Variants in PDCD6IP observed in about 807,000 individuals in gnomAD.
PDCD6IP encodes programmed cell death 6-interacting protein.
A neutral mutation model predicts 103.7 loss-of-function variants in PDCD6IP; 43 were observed. The observed-to-expected ratio is 0.41, with a 90% CI of 0.32 to 0.53. The LOEUF is 0.53. PDCD6IP is among the 20% of genes least tolerant of loss of function. The pLI is 0.16. For missense variants in PDCD6IP, 871 were observed against 1,036.7 expected (o/e 0.84, Z 2.20); for synonymous variants, 354 against 378.7 (o/e 0.93, Z 0.76).
At chr3:33,813,457 T>G (rs1696762248) in intron 2 of PDCD6IP, 102 bp from the exon 3 acceptor site, 2 of 719,016 alleles carry the variant, frequency 2.8e-6, no homozygotes, top group African/African-American at 1.8e-5. Context: ...ATTTTGAGCT[T>G]TTGTCCTTTT....
At chr3:33,805,870 A>G (rs141405029) in intron 1 of PDCD6IP, among the ~76,000 whole-genome samples, 200 of 152,052 alleles carry the variant, frequency 1.3e-3, no homozygotes, top group African/African-American at 4.6e-3. Context: ...TCAGCCTACC[A>G]TGTAGCTGGG....
At chr3:33,814,855 T>C (rs1696809365) in intron 3 of PDCD6IP, among the ~76,000 whole-genome samples, 1 of 145,398 alleles carries the variant, frequency 6.9e-6, no homozygotes, top group African/African-American at 2.5e-5. Context: ...ATTATTCATA[T>C]ACATATATGT....
At chr3:33,837,460 G>A (rs1270031878) in intron 8 of PDCD6IP, among the ~76,000 whole-genome samples, 7 of 152,164 alleles carry the variant, frequency 4.6e-5, no homozygotes, top group Admixed American at 2.6e-4. Flanking sequence ...GCCCTGAGAT[G>A]GGTACTGTTA....
intron 1 of PDCD6IP, chr3:33,799,173 G>T (rs1696410497): frequency 3.5e-6 from 2 of 565,082 alleles, no homozygotes. Context: ...GGTCGGCGAG[G>T]GCTCCGTGGA....
intron 15 of PDCD6IP, among the ~76,000 whole-genome samples, chr3:33,858,038 C>T (rs1697866637): frequency 6.6e-6 from 1 of 151,970 alleles, no homozygotes; most frequent in Non-Finnish European, 1.5e-5. Context: ...TACTTGAAAA[C>T]CCAAGAGAAC....
intron 7 of PDCD6IP, chr3:33,835,334 C>G: frequency 2.2e-6 from 1 of 456,652 alleles, no homozygotes; most frequent in Non-Finnish European, 4.4e-6. Flanking sequence ...TCTCAATTCT[C>G]TGTGTTGTGT....
rs1319798946 is a variant in PDCD6IP, at chr3:33,851,799, C to CT, written c.1642-686dup. Among the ~76,000 whole-genome samples, 5 of 152,256 alleles carry CT rather than the reference C, an allele frequency of 3.3e-5. No homozygotes were observed. The East Asian group carries it at 9.6e-4, about 29-fold the overall frequency. ...GTATGAAGAGAGGCACAAGAACCCT[C>CT]TTTCCTTTTCCTCTCCCAGTATATA... On this transcript the variant is annotated intron_variant, in intron 12 of 17. Transcript: ENST00000307296.
chr3:33,842,660 C>T (rs1052769206), intron 10 of PDCD6IP, among the ~76,000 whole-genome samples: 6 of 151,978 alleles, frequency 3.9e-5, no homozygotes, highest in Admixed American at 3.9e-4. Context: ...TTCAGATTTA[C>T]AGAGTCTTTG....
intron 12 of PDCD6IP, among the ~76,000 whole-genome samples, chr3:33,852,120 C>T (rs1427155078): frequency 4.6e-5 from 7 of 152,158 alleles, no homozygotes; most frequent in African/African-American, 1.7e-4. Context: ...ATAACCATGT[C>T]ACTTAATTTT....
Position 33,868,770 on chromosome 3 carries a change from A to G in PDCD6IP, c.*2245A>G, listed in dbSNP as rs549155217. Reference sequence around the variant, plus strand: ...ATCAAGGAAAGGAAATCATCCCCAGACCATTTATGCTGAGCTTTGGAATAC... The same window carrying G: ...ATCAAGGAAAGGAAATCATCCCCAGGCCATTTATGCTGAGCTTTGGAATAC... On this transcript the variant is annotated 3_prime_UTR_variant, in exon 18 of 18. Coordinates refer to ENST00000307296, the MANE Select transcript of PDCD6IP (RefSeq NM_013374.6). 2.0e-5 allele frequency: 3 copies of G among 152,302 alleles called. No individual in the cohort carries two copies. Among genetic ancestry groups the G allele is most frequent in the African/African-American group, 7.2e-5 (3 of 41,570 alleles). The allele number at this position is 152,302 out of a possible 1,614,324, so 9.4% of individuals were successfully genotyped here.
At chr3:33,827,988 A>G (rs1166127257) in intron 6 of PDCD6IP, 6 of 152,070 alleles carry the variant, frequency 3.9e-5, no homozygotes, top group Non-Finnish European at 7.4e-5. Flanking sequence ...ATTCTCTTAC[A>G]TTTTTTGTTT....
rs750845508 is a variant in PDCD6IP, at chr3:33,853,898, C to T, written c.1910C>T (p.Ser637Leu). 3.3e-6 allele frequency: 5 copies of T among 1,534,350 alleles called. No individual in the cohort carries two copies. Among genetic ancestry groups the T allele is most frequent in the Non-Finnish European group, 2.6e-6 (3 of 1,147,496 alleles). Residue 637 changes from serine to leucine, a missense_variant, in exon 14 of 18, where the codon TCA (serine) becomes TTA (leucine). This residue lies in a region of PDCD6IP where 266 missense variants were observed against 390.5 expected (regional missense o/e 0.68). Transcript: ENST00000307296. The part of the protein sequence containing the change: ...KNIQVSHQEF[S>L]KMKQSNNEAN... ...AACAAGGTCTCACATCAGGAATTTTCAAAAATGAAACAATCTAATAATGAA... is the reference window on the plus strand; with the variant it reads ...AACAAGGTCTCACATCAGGAATTTTTAAAAATGAAACAATCTAATAATGAA...
intron 7 of PDCD6IP, 134 bp downstream of exon 7, chr3:33,829,103 T>C: frequency 1.9e-6 from 1 of 536,940 alleles, no homozygotes; most frequent in East Asian, 3.5e-5. Flanking sequence ...TGATTGTTTT[T>C]ATCTTTAGAC....
At chr3:33,838,178 G>T (rs1454793706) in intron 8 of PDCD6IP, 26 bp from the exon 9 acceptor site, 2 of 1,608,382 alleles carry the variant, frequency 1.2e-6, no homozygotes, top group African/African-American at 2.7e-5. Context: ...TAAAAATTTT[G>T]TTGTAATTTC....
At chr3:33,816,120 G>A (rs1696843796) in intron 3 of PDCD6IP, among the ~76,000 whole-genome samples, 1 of 152,192 alleles carries the variant, frequency 6.6e-6, no homozygotes, top group South Asian at 2.1e-4. Flanking sequence ...TGGGAAAAAT[G>A]TTAAAGGTTT....
intron 3 of PDCD6IP, among the ~76,000 whole-genome samples, chr3:33,816,934 A>G (rs1005671751): frequency 2.6e-5 from 4 of 152,190 alleles, no homozygotes; most frequent in African/African-American, 9.7e-5. Flanking sequence ...GGAAGCAAAA[A>G]ATTAGATCAT....
At chr3:33,848,152 T>C (rs1367160716) in intron 12 of PDCD6IP, among the ~76,000 whole-genome samples, 3 of 152,180 alleles carry the variant, frequency 2.0e-5, no homozygotes, top group African/African-American at 7.2e-5. Context: ...ATATTGACAA[T>C]GACTGGAATC....
intron 12 of PDCD6IP, among the ~76,000 whole-genome samples, chr3:33,845,821 T>A (rs1410109714): frequency 1.3e-5 from 2 of 152,234 alleles, no homozygotes; most frequent in Non-Finnish European, 2.9e-5. Context: ...AACTAAATTT[T>A]AGATACTTCA....
intron 15 of PDCD6IP, among the ~76,000 whole-genome samples, chr3:33,856,849 C>A (rs1697840286): frequency 6.6e-6 from 1 of 152,002 alleles, no homozygotes; most frequent in Admixed American, 6.5e-5. Flanking sequence ...GATTTTATAT[C>A]ATATAGTAAA....
Sources: allele counts gnomAD v4.1 joint callset (sites outside exome capture counted in the v4.1 genomes callset), GRCh38; gene constraint gnomAD v4.1.1; regional missense constraint gnomAD v4.1.1; transcripts MANE v1.5; gene names NCBI Gene and HGNC (gene_info 2026-07-23, HGNC 2026-07-21).